SOX6: variants seen among roughly 807,000 people sequenced by gnomAD.
The protein encoded by SOX6 is transcription factor SOX-6.
Under a neutral mutation model 97.8 loss-of-function variants are expected in SOX6, and 11 were observed. The ratio of observed to expected loss-of-function variants is 0.11; its 90% CI spans 0.07 to 0.19. SOX6 has a LOEUF of 0.19. Among genes scored for constraint, SOX6 ranks in the 10% least tolerant of loss-of-function variants. The probability of loss-of-function intolerance (pLI) is 1.00; values close to 1 mark genes in which losing one functional copy is unlikely to be tolerated. For synonymous variants in SOX6, 360 were observed against 371.4 expected, an observed-to-expected ratio of 0.97 and a Z score of 0.35; for missense variants, 810 against 1,039.5, an observed-to-expected ratio of 0.78 and a Z score of 3.04.
At chr11:16,524,719 A>G (rs1489901474) in intron 4 of SOX6, among the ~76,000 whole-genome samples, 1 of 152,080 alleles carries the variant, frequency 6.6e-6, no homozygotes, top group Non-Finnish European at 1.5e-5. Flanking sequence ...ACATGATTGT[A>G]TATCTAGAAA....
intron 7 of SOX6, among the ~76,000 whole-genome samples, chr11:16,100,624 G>A (rs1848919420): frequency 6.6e-6 from 1 of 151,648 alleles, no homozygotes; most frequent in Middle Eastern, 3.4e-3. Context: ...CTGACATGAA[G>A]CAGAAAATTA....
In SOX6 at chr11:16,351,841, A is replaced by G. The variant is rs528483219; in HGVS notation, c.-5+4253T>C. Among the ~76,000 whole-genome samples, 3 of 152,220 alleles carry G rather than the reference A, an allele frequency of 2.0e-5. No individual in the cohort carries two copies. In the South Asian group the frequency reaches 6.2e-4, roughly 32 times the overall value. On this transcript the variant is annotated intron_variant, in intron 1 of 15. Coordinates refer to ENST00000683767, the MANE Select transcript of SOX6 (RefSeq NM_001367873.1). ...GGATATTACCTCACATAATCTTTTA[A>G]AAATGTATAATATCATTATATTTTC...
chr11:16,610,993 G>A lies in SOX6; in HGVS notation n.609+1088C>T, dbSNP rs1848390447. Among the ~76,000 whole-genome samples, 1 of 152,206 alleles carries A rather than the reference G, an allele frequency of 6.6e-6. No homozygotes were observed. The highest frequency in any genetic ancestry group is 2.1e-4 in the South Asian group (1 of 4,838). On this transcript the variant is annotated intron_variant and non_coding_transcript_variant, in intron 4 of 5. Transcript: ENST00000524520. This position sits in a 1 kb window ranked among gnomAD's most constrained non-coding sequence, Gnocchi z 4.4. ...GCAAGAACCCCGGGCGCTGAGCTCCGGGGAACCTGGGAGGGAAGGAGGGGC... is the reference window on the plus strand; with the variant it reads ...GCAAGAACCCCGGGCGCTGAGCTCCAGGGAACCTGGGAGGGAAGGAGGGGC...
chr11:16,137,869 C>T (rs971602023), intron 6 of SOX6, among the ~76,000 whole-genome samples: 11 of 152,130 alleles, frequency 7.2e-5, no homozygotes, highest in African/African-American at 2.2e-4. Context: ...CTTCCCCCTT[C>T]GCTGGGCACT....
chr11:16,486,986 T>C (rs1398071276), intron 4 of SOX6, among the ~76,000 whole-genome samples: 1 of 152,106 alleles, frequency 6.6e-6, no homozygotes, highest in Non-Finnish European at 1.5e-5. Context: ...AATTGGCCCA[T>C]GAATCTAATT....
intron 4 of SOX6, among the ~76,000 whole-genome samples, chr11:16,569,228 T>A (rs1459136243): frequency 1.3e-5 from 2 of 152,218 alleles, no homozygotes; most frequent in African/African-American, 2.4e-5. Context: ...ATCATTTAAA[T>A]TTTTAAATAA....
chr11:16,027,742 G>A (rs1480521460), intron 12 of SOX6, among the ~76,000 whole-genome samples: 1 of 152,200 alleles, frequency 6.6e-6, no homozygotes, highest in African/African-American at 2.4e-5. Flanking sequence ...ATGCCTCCAC[G>A]TGCTGCATAT....
At chr11:16,380,256 C>T (rs756660112) in intron 1 of SOX6, among the ~76,000 whole-genome samples, 6 of 151,966 alleles carry the variant, frequency 3.9e-5, no homozygotes, top group Non-Finnish European at 7.4e-5. Flanking sequence ...CACATGTTAA[C>T]TTTTTAAGAG....
At chr11:16,035,004 A>C (rs1194864166) in intron 12 of SOX6, among the ~76,000 whole-genome samples, 1 of 152,196 alleles carries the variant, frequency 6.6e-6, no homozygotes, top group Non-Finnish European at 1.5e-5. Flanking sequence ...ATGCACATAC[A>C]CACACAAGGA....
chr11:16,237,310 C>T lies in SOX6; in HGVS notation c.446-2639G>A, dbSNP rs188140961. Reference sequence around the variant, plus strand: ...CAGAAGTGAATTGTTACTAAGCACTCTATAAGCAGAAGACACTACTGCTAC... The same window carrying T: ...CAGAAGTGAATTGTTACTAAGCACTTTATAAGCAGAAGACACTACTGCTAC... On this transcript the variant is annotated intron_variant, in intron 3 of 15. Coordinates refer to ENST00000683767, the MANE Select transcript of SOX6 (RefSeq NM_001367873.1). 1.5e-3 allele frequency among the ~76,000 whole-genome samples: 229 copies of T among 152,052 alleles called. 1 individual carries two copies. The highest frequency in any genetic ancestry group is 2.6e-3 in the Non-Finnish European group (177 of 67,904).
chr11:16,514,024 A>G (rs1860922088), intron 4 of SOX6, among the ~76,000 whole-genome samples: 1 of 152,112 alleles, frequency 6.6e-6, no homozygotes, highest in Non-Finnish European at 1.5e-5. Flanking sequence ...CAGCCTGGGC[A>G]ACAACAGTGA....
chr11:16,709,946 T>C (rs1848165117), intron 3 of SOX6, among the ~76,000 whole-genome samples: 2 of 152,330 alleles, frequency 1.3e-5, no homozygotes, highest in East Asian at 3.9e-4. Flanking sequence ...GCAAATACAA[T>C]AAAACTTTAT....
intron 1 of SOX6, among the ~76,000 whole-genome samples, chr11:16,428,097 T>G (rs1168930165): frequency 6.6e-6 from 1 of 152,268 alleles, no homozygotes; most frequent in African/African-American, 2.4e-5. Flanking sequence ...TGAGCATTTT[T>G]ACATGTGTCT....
chr11:16,592,886 T>C (rs1027141558), intron 4 of SOX6, among the ~76,000 whole-genome samples: 4 of 151,936 alleles, frequency 2.6e-5, no homozygotes, highest in Non-Finnish European at 5.9e-5. Flanking sequence ...CTGCAAATAA[T>C]ATACCAAGGA....
At chr11:16,185,653 T>C (rs1851454532) in intron 5 of SOX6, among the ~76,000 whole-genome samples, 1 of 152,236 alleles carries the variant, frequency 6.6e-6, no homozygotes, top group Non-Finnish European at 1.5e-5. Flanking sequence ...AATTACAAAG[T>C]GTTCACTGTA....
intron 3 of SOX6, among the ~76,000 whole-genome samples, chr11:16,245,949 C>T (rs978022625): frequency 5.3e-5 from 8 of 151,366 alleles, no homozygotes; most frequent in Admixed American, 3.3e-4. Flanking sequence ...ACTGTTAAGT[C>T]TACCATCTTG....
chr11:16,021,504 C>A (rs868134209), intron 12 of SOX6, among the ~76,000 whole-genome samples: 4 of 152,042 alleles, frequency 2.6e-5, no homozygotes, highest in Middle Eastern at 3.4e-3. Flanking sequence ...TGGAAAGCAA[C>A]CACATGTACT....
chr11:16,181,208 G>GGCAAGAT (rs1851337279), intron 6 of SOX6, among the ~76,000 whole-genome samples: 1 of 151,444 alleles, frequency 6.6e-6, no homozygotes, highest in South Asian at 2.1e-4. Context: ...TGCTGACCAT[G>GGCAAGAT]TAAGCTAATA....
At chr11:16,130,533 G>A (rs1189098890) in intron 6 of SOX6, among the ~76,000 whole-genome samples, 7 of 151,812 alleles carry the variant, frequency 4.6e-5, no homozygotes, top group Non-Finnish European at 8.8e-5. Flanking sequence ...CAACATTCAT[G>A]GAATGAAAGA....
Sources: allele counts gnomAD v4.1 joint callset (sites outside exome capture counted in the v4.1 genomes callset), GRCh38; gene constraint gnomAD v4.1.1; non-coding constraint Gnocchi (gnomAD v3.1); transcripts MANE v1.5; gene names NCBI Gene and HGNC (gene_info 2026-07-23, HGNC 2026-07-21).